The following ERC1 variants were observed in gnomAD, a reference collection of about 807,000 sequenced individuals.
ERC1 encodes the protein RAB6 interacting protein 2.
A neutral mutation model predicts 132.0 loss-of-function variants in ERC1; 56 were observed. That is an observed-to-expected ratio of 0.42 (90% CI 0.34 to 0.53). The LOEUF (loss-of-function observed/expected upper bound fraction) is 0.53. ERC1 is among the 20% of genes least tolerant of loss of function. ERC1 has a pLI of 0.03. For synonymous variants in ERC1, 478 were observed against 476.1 expected (o/e 1.00, Z -0.05); for missense variants, 1,202 against 1,349.9 (o/e 0.89, Z 1.72).
At chr12:1,009,426 G>A (rs1475492595) in intron 1 of ERC1, among the ~76,000 whole-genome samples, 11 of 151,922 alleles carry the variant, frequency 7.2e-5, no homozygotes, top group African/African-American at 1.2e-4. Context: ...CGCCCACCTC[G>A]GCCTCCCAAA....
intron 15 of ERC1, among the ~76,000 whole-genome samples, chr12:1,301,440 A>T (rs994475336): frequency 6.6e-6 from 1 of 152,230 alleles, no homozygotes; most frequent in Non-Finnish European, 1.5e-5. Context: ...GGTGGACTGG[A>T]TAAAGAAAAT....
chr12:1,440,306 G>T (rs551483575), intron 17 of ERC1, among the ~76,000 whole-genome samples: 1 of 142,650 alleles, frequency 7.0e-6, no homozygotes, highest in African/African-American at 2.7e-5. Flanking sequence ...CTGGGTTCAC[G>T]CCATTCTCCT....
At position 1,422,133 on chromosome 12, in the gene ERC1, T is replaced by TG. The variant is rs548181900; in HGVS notation, c.3024+13891dup. On this transcript the variant is annotated intron_variant, in intron 17 of 18. Transcript: ENST00000360905. The stretch of plus-strand genomic sequence containing the variant: ...TTACAGAGATGGTTTCAGTCCCCCG[T>TG]GGGGGTCAGCTTGCAGAGGGACTAT... 3.3e-5 allele frequency among the ~76,000 whole-genome samples: 5 copies of TG among 152,318 alleles called. No homozygotes were observed. In the South Asian group the frequency reaches 6.2e-4, roughly 19 times the overall value.
intron 1 of ERC1, among the ~76,000 whole-genome samples, chr12:1,021,873 G>A (rs2154145738): frequency 6.6e-6 from 1 of 152,222 alleles, no homozygotes; most frequent in South Asian, 2.1e-4. Context: ...AGTAATAAAA[G>A]TTCTTTGTGT....
intron 12 of ERC1, among the ~76,000 whole-genome samples, chr12:1,209,230 A>G (rs548631772): frequency 1.3e-5 from 2 of 152,032 alleles, no homozygotes; most frequent in South Asian, 2.1e-4. Flanking sequence ...CGGCCTCCCA[A>G]AGTGCTGGGA....
intron 17 of ERC1, among the ~76,000 whole-genome samples, chr12:1,438,266 A>G (rs1290978141): frequency 6.6e-6 from 1 of 152,260 alleles, no homozygotes; most frequent in Non-Finnish European, 1.5e-5. Context: ...ACTTTGAGGC[A>G]GAATTAATGA....
In ERC1 at chr12:1,028,548, C is replaced by T. The variant is rs746480863; in HGVS notation, c.645C>T (p.Tyr215=). The T allele has an allele frequency of 6.2e-7, 1 of 1,612,650 alleles. No homozygotes were observed. The highest frequency in any genetic ancestry group is 1.1e-5 in the South Asian group (1 of 91,050). Residue 215 remains tyrosine, a synonymous_variant, in exon 2 of 19, where the codon TAC becomes TAT. Transcript: ENST00000360905. ...AAATCACCATTTGGAAGGAACAGTA[C>T]AGAGTTGTACAGGAGGAAAACCAGG... ...ASKITIWKEQ[Y]RVVQEENQHM... is the part of the protein sequence containing the mutation.
intron 18 of ERC1, among the ~76,000 whole-genome samples, chr12:1,454,887 T>A (rs191711076): frequency 3.2e-4 from 49 of 152,238 alleles, no homozygotes; most frequent in Non-Finnish European, 5.9e-4. Flanking sequence ...ACTCAGGCCC[T>A]CTAGTCATTT....
intron 18 of ERC1, among the ~76,000 whole-genome samples, chr12:1,450,862 AAGGTGGCATCACAT>A (rs1485346716): frequency 1.3e-5 from 2 of 152,218 alleles, no homozygotes; most frequent in Non-Finnish European, 2.9e-5. Context: ...TAATGGGTGT[AAGGTGGCATCACAT>A]AGTTTTGATT....
intron 14 of ERC1, among the ~76,000 whole-genome samples, chr12:1,274,642 A>G (rs1434006007): frequency 6.6e-6 from 1 of 151,954 alleles, no homozygotes; most frequent in Non-Finnish European, 1.5e-5. Context: ...ACAGGCATGC[A>G]TCACCACACC....
intron 16 of ERC1, among the ~76,000 whole-genome samples, chr12:1,372,344 G>A (rs947159233): frequency 3.7e-4 from 57 of 152,184 alleles, no homozygotes; most frequent in Non-Finnish European, 1.9e-4. Context: ...TTCATGAAAA[G>A]ATTTCCAGTT....
intron 1 of ERC1, among the ~76,000 whole-genome samples, chr12:1,021,864 G>A (rs1355510920): frequency 6.6e-6 from 1 of 152,152 alleles, no homozygotes; most frequent in African/African-American, 2.4e-5. Context: ...TGCGCTGTGA[G>A]TAATAAAAGT....
At chr12:1,173,283 C>T (rs1361577247) in intron 8 of ERC1, among the ~76,000 whole-genome samples, 1 of 152,136 alleles carries the variant, frequency 6.6e-6, no homozygotes, top group Non-Finnish European at 1.5e-5. Context: ...ATGCTTAAAT[C>T]ATTGTTCCAT....
intron 1 of ERC1, among the ~76,000 whole-genome samples, chr12:1,009,864 A>C (rs1019183272): frequency 6.6e-6 from 1 of 152,204 alleles, no homozygotes; most frequent in African/African-American, 2.4e-5. Flanking sequence ...TTTTATAAAT[A>C]TGCAATGTAA....
chr12:1,409,080 G>T (rs1429475897), intron 17 of ERC1, among the ~76,000 whole-genome samples: 2 of 152,180 alleles, frequency 1.3e-5, no homozygotes, highest in Non-Finnish European at 2.9e-5. Context: ...CAGCTATGGC[G>T]TTATCTTAGC....
rs1370828194 is a variant in ERC1, at chr12:1,241,859, T to C, written c.2487+4955T>C. 1.5e-3 allele frequency among the ~76,000 whole-genome samples: 211 copies of C among 136,658 alleles called. 1 individual carries two copies. The highest frequency in any genetic ancestry group is 7.2e-3 in the Middle Eastern group (2 of 276). The allele number at this position is 136,658 out of a possible 152,430, so 89.7% of individuals were successfully genotyped here. On this transcript the variant is annotated intron_variant, in intron 13 of 18. Coordinates refer to ENST00000360905, the MANE Select transcript of ERC1 (RefSeq NM_178040.4). ...ATTTCTTCTTCTTCTTTTTTTTTTT[T>C]TTTTTTTTTTTTTTTGTGATGGAGT...
intron 13 of ERC1, among the ~76,000 whole-genome samples, chr12:1,259,528 T>TC: frequency 7.2e-6 from 1 of 139,048 alleles, no homozygotes; most frequent in East Asian, 2.0e-4. Flanking sequence ...TTCTTTTTTT[T>TC]TTTTTTTTTT....
intron 13 of ERC1, among the ~76,000 whole-genome samples, chr12:1,249,371 A>T (rs1215790506): frequency 6.6e-6 from 1 of 152,226 alleles, no homozygotes; most frequent in Non-Finnish European, 1.5e-5. Context: ...GGGATTAAAA[A>T]AAGCTTTCTC....
chr12:1,461,465 C>T (rs992684451), intron 18 of ERC1, among the ~76,000 whole-genome samples: 3 of 151,972 alleles, frequency 2.0e-5, no homozygotes, highest in South Asian at 2.1e-4. Flanking sequence ...GTCAGGATTT[C>T]GAGACCAGCC....
Sources: gnomAD v4.1 joint callset for allele counts (sites outside exome capture counted in the v4.1 genomes callset) on GRCh38, gnomAD v4.1.1 for gene constraint, MANE v1.5 for transcripts, NCBI Gene and HGNC (gene_info 2026-07-23, HGNC 2026-07-21) for gene names.